The following CSMD1 variants were observed in gnomAD, a reference collection of about 807,000 sequenced individuals.
CSMD1 encodes CUB and sushi domain-containing protein 1.
In CSMD1, 213 loss-of-function variants were observed where a neutral mutation model predicts 417.5. The ratio of observed to expected loss-of-function variants is 0.51; its 90% confidence interval spans 0.46 to 0.57. The LOEUF (loss-of-function observed/expected upper bound fraction) is 0.57, where lower values mean the gene tolerates loss of function less well. Among genes scored for constraint, CSMD1 ranks in the 20% least tolerant of loss-of-function variants. The probability of loss-of-function intolerance (pLI) is 0.00; values close to 1 mark genes in which losing one functional copy is unlikely to be tolerated. For missense variants in CSMD1, 6,923 were observed against 4,529.7 expected, an observed-to-expected ratio of 1.53 and a Z score of -15.17; for synonymous variants, 2,862 against 1,736.8, an observed-to-expected ratio of 1.65 and a Z score of -16.11.
intron 2 of CSMD1, among the ~76,000 whole-genome samples, chr8:4,614,093 C>A (rs1801341272): frequency 6.6e-6 from 1 of 151,852 alleles, no homozygotes; most frequent in Admixed American, 6.6e-5. Flanking sequence ...ACTGGCAAGC[C>A]AATGTGAGAA....
chr8:3,779,048 A>C (rs941252313), intron 5 of CSMD1, among the ~76,000 whole-genome samples: 1 of 152,172 alleles, frequency 6.6e-6, no homozygotes, highest in African/African-American at 2.4e-5. Context: ...CGTTTTCATA[A>C]CAAATTACCA....
chr8:3,948,796 T>G (rs1353027140), intron 5 of CSMD1, among the ~76,000 whole-genome samples: 2 of 151,504 alleles, frequency 1.3e-5, no homozygotes, highest in Non-Finnish European at 1.5e-5. Context: ...AAAAGCAGTT[T>G]TACTACCCAG....
At chr8:3,950,348 C>T (rs1412238362) in intron 5 of CSMD1, among the ~76,000 whole-genome samples, 2 of 152,170 alleles carry the variant, frequency 1.3e-5, no homozygotes, top group East Asian at 3.9e-4. Flanking sequence ...TCTAGCTGGT[C>T]TGCATAAAGT....
intron 7 of CSMD1, among the ~76,000 whole-genome samples, chr8:3,626,840 T>C (rs1796513649): frequency 1.3e-5 from 2 of 149,554 alleles, no homozygotes; most frequent in Admixed American, 1.3e-4. Context: ...AAAGTAAATA[T>C]ATACAATAAA....
intron 3 of CSMD1, among the ~76,000 whole-genome samples, chr8:4,081,198 C>T (rs151268286): frequency 2.3e-3 from 347 of 152,218 alleles, no homozygotes; most frequent in African/African-American, 7.7e-3. Context: ...ATAAATTATC[C>T]AGTCTGTGGC....
chr8:4,285,009 G>A (rs1212052560), intron 3 of CSMD1, among the ~76,000 whole-genome samples: 2 of 152,108 alleles, frequency 1.3e-5, no homozygotes, highest in Non-Finnish European at 1.5e-5. Flanking sequence ...TTGTAAAATG[G>A]GGATAATAAT....
chr8:3,413,099 GGCCAT>G (rs1407617520), intron 12 of CSMD1, among the ~76,000 whole-genome samples: 10 of 152,068 alleles, frequency 6.6e-5, no homozygotes, highest in Non-Finnish European at 1.3e-4. Context: ...CTCAAAGGGT[GGCCAT>G]GAGAATTAAA....
intron 3 of CSMD1, among the ~76,000 whole-genome samples, chr8:4,133,483 TAGA>T (rs1803234070): frequency 6.6e-6 from 1 of 152,186 alleles, no homozygotes; most frequent in South Asian, 2.1e-4. Flanking sequence ...TCAGCTAGTA[TAGA>T]AGAAAAGCCT....
At chr8:4,366,904 T>C (rs1180310457) in intron 3 of CSMD1, among the ~76,000 whole-genome samples, 1 of 151,992 alleles carries the variant, frequency 6.6e-6, no homozygotes, top group Admixed American at 6.6e-5. Flanking sequence ...TTGTTTTTCG[T>C]TTGCTGATTT....
At chr8:4,538,888 T>A (rs2130503335) in intron 2 of CSMD1, among the ~76,000 whole-genome samples, 1 of 152,236 alleles carries the variant, frequency 6.6e-6, no homozygotes, top group Admixed American at 6.5e-5. Context: ...TTACCAAAGT[T>A]CCCCTTTTAT....
chr8:3,551,307 A>G (rs758971293), intron 10 of CSMD1, among the ~76,000 whole-genome samples: 1 of 152,152 alleles, frequency 6.6e-6, no homozygotes, highest in East Asian at 1.9e-4. Flanking sequence ...TCCAAACTCT[A>G]TATCAATATG....
chr8:3,243,992 A>T (rs1335230306), intron 26 of CSMD1, among the ~76,000 whole-genome samples: 1 of 152,176 alleles, frequency 6.6e-6, no homozygotes, highest in East Asian at 1.9e-4. Context: ...CATACGCATC[A>T]TTTAAAACAT....
intron 1 of CSMD1, among the ~76,000 whole-genome samples, chr8:4,692,425 T>A (rs1170128107): frequency 6.6e-6 from 1 of 152,174 alleles, no homozygotes; most frequent in Non-Finnish European, 1.5e-5. Flanking sequence ...TGGCCAGGAT[T>A]TTTAAAGAGT....
intron 3 of CSMD1, among the ~76,000 whole-genome samples, chr8:4,168,971 G>T (rs1797612708): frequency 6.6e-6 from 1 of 152,084 alleles, no homozygotes; most frequent in Admixed American, 6.5e-5. Context: ...CTATCCTCAG[G>T]CCGTTCTCCT....
chr8:4,742,906 A>G (rs1428045171), intron 1 of CSMD1, among the ~76,000 whole-genome samples: 1 of 152,202 alleles, frequency 6.6e-6, no homozygotes, highest in Non-Finnish European at 1.5e-5. Context: ...ACGGTTAAAA[A>G]AAATCTGAAA....
At chr8:4,201,433 G>A (rs1255778848) in intron 3 of CSMD1, among the ~76,000 whole-genome samples, 1 of 150,894 alleles carries the variant, frequency 6.6e-6, no homozygotes, top group Non-Finnish European at 1.5e-5. Flanking sequence ...AGCTACTCAG[G>A]AGGCTGAGGC....
chr8:4,277,155 A>T (rs1796532578), intron 3 of CSMD1, among the ~76,000 whole-genome samples: 1 of 152,054 alleles, frequency 6.6e-6, no homozygotes, highest in Non-Finnish European at 1.5e-5. Context: ...CCATAGTTTA[A>T]TCCAACACTA....
intron 1 of CSMD1, among the ~76,000 whole-genome samples, chr8:4,750,595 C>T (rs4875376): frequency 0.57 from 85,553 of 151,256 alleles, 24,836 homozygotes; most frequent in East Asian, 0.71. Flanking sequence ...CTGAGTGGTT[C>T]GTGATCCAGC....
At chr8:4,820,278 G>C (rs1799446201) in intron 1 of CSMD1, among the ~76,000 whole-genome samples, 2 of 152,178 alleles carry the variant, frequency 1.3e-5, no homozygotes, top group Admixed American at 1.3e-4. Context: ...CAGACTGCCA[G>C]GAACACAGGG....
Sources: allele counts gnomAD v4.1 joint callset (sites outside exome capture counted in the v4.1 genomes callset), GRCh38; gene constraint gnomAD v4.1.1; transcripts MANE v1.5; gene names NCBI Gene and HGNC (gene_info 2026-07-23, HGNC 2026-07-21).